CSTPP1: variants seen among roughly 807,000 people sequenced by gnomAD.
The protein encoded by CSTPP1 is centriolar satellite-associated tubulin polyglutamylase complex regulator 1.
At chr11:46,936,914 G>A in the CSTPP1 span, 3 of 1,470,224 alleles carry the variant, frequency 2.0e-6, no homozygotes, top group Non-Finnish European at 2.7e-6. Flanking sequence ...CAGGGTCTGG[G>A]AGGAGGCGGG....
At chr11:47,009,009 C>T in the CSTPP1 span, among the ~76,000 whole-genome samples, 1 of 150,024 alleles carries the variant, frequency 6.7e-6, no homozygotes, top group Admixed American at 6.6e-5. Flanking sequence ...CCAGCCTGGG[C>T]AACAGAGCAA....
chr11:46,974,192 A>C, the CSTPP1 span, among the ~76,000 whole-genome samples: 2 of 152,126 alleles, frequency 1.3e-5, no homozygotes. Flanking sequence ...TGATTGCACC[A>C]CACTGCACTC....
the CSTPP1 span, among the ~76,000 whole-genome samples, chr11:46,964,344 G>A: frequency 2.6e-5 from 4 of 150,976 alleles, no homozygotes; most frequent in East Asian, 1.9e-4. Flanking sequence ...GGAGTGCAGT[G>A]ACGCGATTTC....
chr11:46,943,690 T>C, the CSTPP1 span, among the ~76,000 whole-genome samples: 5 of 152,306 alleles, frequency 3.3e-5, no homozygotes, highest in Middle Eastern at 3.4e-3. Context: ...AAGAAATCAC[T>C]TAACCTCTCT....
chr11:47,137,386 C>G, the CSTPP1 span: 1 of 1,489,488 alleles, frequency 6.7e-7, no homozygotes, highest in East Asian at 2.7e-5. Flanking sequence ...CTCTCTTCAC[C>G]CGACCAATTT....
At chr11:47,042,065 G>A in the CSTPP1 span, 1 of 164,874 alleles carries the variant, frequency 6.1e-6, no homozygotes, top group Non-Finnish European at 1.3e-5. Flanking sequence ...AGACAAGCAT[G>A]ATTGTGTGTG....
the CSTPP1 span, among the ~76,000 whole-genome samples, chr11:47,055,114 A>G: frequency 6.7e-6 from 1 of 150,310 alleles, no homozygotes; most frequent in Non-Finnish European, 1.5e-5. Flanking sequence ...TCTATTTTTT[A>G]TAGAGTTGGG....
the CSTPP1 span, among the ~76,000 whole-genome samples, chr11:47,061,506 A>G: frequency 1.3e-5 from 2 of 152,210 alleles, no homozygotes; most frequent in Admixed American, 6.5e-5. Flanking sequence ...TCACCAGTAA[A>G]AATCATTCAG....
the CSTPP1 span, among the ~76,000 whole-genome samples, chr11:47,146,906 C>T: frequency 6.6e-6 from 1 of 152,112 alleles, no homozygotes; most frequent in Non-Finnish European, 1.5e-5. Context: ...TACAGAATGA[C>T]ACAGAGTTTG....
At chr11:47,152,719 C>T in the CSTPP1 span, among the ~76,000 whole-genome samples, 1 of 152,198 alleles carries the variant, frequency 6.6e-6, no homozygotes, top group Non-Finnish European at 1.5e-5. Flanking sequence ...TATGGTGTGT[C>T]ATTATATCAC....
the CSTPP1 span, among the ~76,000 whole-genome samples, chr11:46,999,348 G>A: frequency 0.014 from 2,155 of 152,146 alleles, 19 homozygotes; most frequent in Non-Finnish European, 0.021. Context: ...TATAGAGGAG[G>A]AAGTGGATGC....
chr11:46,984,994 C>CAGGTATTA, the CSTPP1 span, among the ~76,000 whole-genome samples: 17 of 151,932 alleles, frequency 1.1e-4, no homozygotes, highest in African/African-American at 4.1e-4. Context: ...TATCTCACAG[C>CAGGTATTA]TTCACTCTTA....
chr11:47,048,127 A>G, the CSTPP1 span, among the ~76,000 whole-genome samples: 3 of 152,224 alleles, frequency 2.0e-5, no homozygotes, highest in East Asian at 1.9e-4. Flanking sequence ...TATAACTACC[A>G]TATGACCCAG....
chr11:47,059,142 T>C, the CSTPP1 span, among the ~76,000 whole-genome samples: 1 of 152,026 alleles, frequency 6.6e-6, no homozygotes, highest in African/African-American at 2.4e-5. Flanking sequence ...AGTTGAACAA[T>C]GAGAACACGA....
At chr11:47,132,413 A>C in the CSTPP1 span, among the ~76,000 whole-genome samples, 6 of 152,268 alleles carry the variant, frequency 3.9e-5, no homozygotes, top group South Asian at 2.1e-4. Context: ...TAATCAGTTA[A>C]TAATTATAAA....
chr11:47,067,995 T>C, the CSTPP1 span, among the ~76,000 whole-genome samples: 1 of 152,180 alleles, frequency 6.6e-6, no homozygotes, highest in Admixed American at 6.5e-5. Context: ...GATTTTAGTT[T>C]AAGGTAGAAA....
the CSTPP1 span, among the ~76,000 whole-genome samples, chr11:47,025,178 C>T: frequency 1.3e-5 from 2 of 152,040 alleles, no homozygotes; most frequent in African/African-American, 4.8e-5. Context: ...CATGGATTTA[C>T]CAGTAGCTTT....
chr11:46,977,764 A>C, the CSTPP1 span, among the ~76,000 whole-genome samples: 1 of 152,218 alleles, frequency 6.6e-6, no homozygotes, highest in Non-Finnish European at 1.5e-5. Context: ...TTGAAATGAC[A>C]AGTAGCCCCC....
At chr11:46,983,609 AT>A in the CSTPP1 span, among the ~76,000 whole-genome samples, 368 of 152,290 alleles carry the variant, frequency 2.4e-3, 1 homozygote, top group African/African-American at 8.1e-3. Flanking sequence ...TTATTCTTTA[AT>A]CATTCACATA....
Sources: gnomAD v4.1 joint callset for allele counts (sites outside exome capture counted in the v4.1 genomes callset) on GRCh38, gnomAD v4.1.1 for gene constraint, MANE v1.5 for transcripts, NCBI Gene and HGNC (gene_info 2026-07-23, HGNC 2026-07-21) for gene names.